The following CLHC1 variants were observed in gnomAD, a reference collection of about 807,000 sequenced individuals.
CLHC1 encodes clathrin heavy chain linker domain-containing protein 1.
In CLHC1, 72 loss-of-function variants were observed where a neutral mutation model predicts 69.5. The observed-to-expected ratio is 1.04, with a 90% CI of 0.86 to 1.26. The LOEUF (loss-of-function observed/expected upper bound fraction) is 1.26. CLHC1 is among the 50% of genes most tolerant of loss of function. The probability of loss-of-function intolerance (pLI) is 0.00; values close to 1 mark genes in which losing one functional copy is unlikely to be tolerated. For missense variants in CLHC1, 790 were observed against 679.3 expected (o/e 1.16, Z -1.81); for synonymous variants, 223 against 224.3 (o/e 0.99, Z 0.05).
chr2:55,213,238 C>CA (rs1378254642), intron 4 of CLHC1, among the ~76,000 whole-genome samples: 11 of 152,178 alleles, frequency 7.2e-5, no homozygotes, highest in Admixed American at 3.9e-4. Flanking sequence ...GGACCAAAAT[C>CA]AAAGTGTTGG....
Position 55,206,389 on chromosome 2 carries a change from C to T in CLHC1, c.900-13G>A, listed in dbSNP as rs1455242576. 1.4e-6 allele frequency: 2 copies of T among 1,437,500 alleles called. No homozygotes were observed. The highest frequency in any genetic ancestry group is 1.7e-5 in the Admixed American group (1 of 59,374). 89.0% of individuals were successfully genotyped at this position (1,437,500 alleles called of 1,614,324 possible). ...TAACTCATTAAACCTATAGCCATCA[C>T]ATTTTAAAATGCATTATAATGACAC... is the stretch of plus-strand genomic sequence containing the variant. On this transcript the variant is annotated splice_polypyrimidine_tract_variant and intron_variant, in intron 8 of 12. Transcript: ENST00000401408.
intron 10 of CLHC1, among the ~76,000 whole-genome samples, chr2:55,181,234 G>A (rs1244763845): frequency 6.6e-6 from 1 of 152,002 alleles, no homozygotes; most frequent in East Asian, 1.9e-4. Context: ...GCCCACCTCG[G>A]ACTCCCAAAA....
intron 9 of CLHC1, among the ~76,000 whole-genome samples, chr2:55,183,365 C>G (rs1670102830): frequency 6.6e-6 from 1 of 152,192 alleles, no homozygotes; most frequent in Non-Finnish European, 1.5e-5. Context: ...GCCAACACAG[C>G]CCTTTTAAAG....
chr2:55,184,103 TTTA>T (rs1195161511), intron 9 of CLHC1, among the ~76,000 whole-genome samples: 446 of 9,446 alleles, frequency 0.047, 1 homozygote, highest in Non-Finnish European at 0.07. Context: ...TCTTTCTTTC[TTTA>T]TTTTTTTTTT....
chr2:55,177,624 T>C lies in CLHC1; in HGVS notation c.1542A>G (p.Gln514=). 6.2e-7 allele frequency: 1 copy of C among 1,605,718 alleles called. No individual in the cohort carries two copies. The highest frequency in any genetic ancestry group is 1.3e-5 in the African/African-American group (1 of 74,760). The change falls in exon 12 of 13, where the codon CAA becomes CAG. Residue 514 remains glutamine, a synonymous_variant. Transcript: ENST00000401408. Reference sequence around the variant, plus strand: ...TACCTATCCCACCTTTATTGATTTCTTGAAGTAGCTTAATGCCAACTTTTT... The same window carrying C: ...TACCTATCCCACCTTTATTGATTTCCTGAAGTAGCTTAATGCCAACTTTTT... ...DMKKVGIKLL[Q]EINKGGIDAV... is the part of the protein sequence containing the mutation.
At chr2:55,207,625 C>A (rs991527629) in intron 8 of CLHC1, among the ~76,000 whole-genome samples, 1 of 151,996 alleles carries the variant, frequency 6.6e-6, no homozygotes, top group Non-Finnish European at 1.5e-5. Flanking sequence ...AGCGTCATAG[C>A]CTATGAATTA....
At chr2:55,213,849 T>C (rs535072386) in intron 4 of CLHC1, among the ~76,000 whole-genome samples, 1 of 152,310 alleles carries the variant, frequency 6.6e-6, no homozygotes, top group Non-Finnish European at 1.5e-5. Flanking sequence ...AATCTGAATA[T>C]GACATGGGCA....
intron 1 of CLHC1, among the ~76,000 whole-genome samples, chr2:55,229,382 G>A (rs976839054): frequency 6.6e-6 from 1 of 152,008 alleles, no homozygotes; most frequent in Admixed American, 6.6e-5. Context: ...TAGATTCCTG[G>A]GAGATGAGTG....
At position 55,216,694 on chromosome 2, in the gene CLHC1, A is replaced by T. The variant is rs867944362; in HGVS notation, c.365+1117T>A. ...GACCACACCCAGCTAATTTTTTTTT[A>T]AACTTTTTTGTAACGACAGGGACTC... is the stretch of plus-strand genomic sequence containing the variant. On this transcript the variant is annotated intron_variant, in intron 4 of 12. Transcript: ENST00000401408. Among the ~76,000 whole-genome samples, 49 of 144,192 alleles carry T rather than the reference A, an allele frequency of 3.4e-4. No individual in the cohort carries two copies. The Middle Eastern group carries it at 0.018, about 53-fold the overall frequency. The allele number at this position is 144,192 out of a possible 152,430, so 94.6% of individuals were successfully genotyped here. A position where few individuals can be genotyped will look rare whatever the true frequency, so the allele number is the denominator to read the frequency against.
intron 9 of CLHC1, among the ~76,000 whole-genome samples, chr2:55,196,320 C>T (rs1014117059): frequency 1.3e-5 from 2 of 152,158 alleles, no homozygotes; most frequent in Admixed American, 6.5e-5. Flanking sequence ...AGTCAGTGGA[C>T]TTGGAAGGCA....
In CLHC1 at chr2:55,181,606, C is replaced by T. The variant is rs144133542; in HGVS notation, c.1145G>A (p.Arg382Gln). The change falls in exon 10 of 13, where the codon CGG becomes CAG. Residue 382 changes from arginine to glutamine, a missense_variant. Arg to Gln is a conservative substitution (Grantham distance 43). Transcript: ENST00000401408. ...AACCCAATTGGTAACTAAATCTAAC[C>T]GTTTTTCTGATAATCCACATTTGAT... Reference protein sequence around the residue: ...EGIKCGLSEKRLDLVTNWVTQ... With the variant: ...EGIKCGLSEKQLDLVTNWVTQ... 2.8e-4 allele frequency: 457 copies of T among 1,612,236 alleles called. No individual in the cohort carries two copies. The African/African-American group carries it at 4.6e-3, about 16-fold the overall frequency.
chr2:55,222,958 C>G (rs1279674078), intron 2 of CLHC1, among the ~76,000 whole-genome samples: 2 of 149,264 alleles, frequency 1.3e-5, no homozygotes, highest in Non-Finnish European at 3.0e-5. Context: ...TGCTATTCCA[C>G]TGCCATATGC....
At chr2:55,184,673 A>G (rs757008859) in intron 9 of CLHC1, among the ~76,000 whole-genome samples, 2 of 152,038 alleles carry the variant, frequency 1.3e-5, no homozygotes, top group Non-Finnish European at 2.9e-5. Flanking sequence ...TTGGGAGGCT[A>G]ATGCAGGTGG....
At chr2:55,195,941 G>T (rs1373664957) in intron 9 of CLHC1, among the ~76,000 whole-genome samples, 1 of 152,214 alleles carries the variant, frequency 6.6e-6, no homozygotes, top group African/African-American at 2.4e-5. Context: ...CACTGAAGAG[G>T]GTAGAAAGAC....
At position 55,172,691 on chromosome 2, in the gene CLHC1, T is replaced by C. The variant is rs1398078686; in HGVS notation, c.*3099A>G. ...AGAAATGTATGAGCTTTCTATGAAA[T>C]GTACAAAGTTAAAAAAAAAAAAAAA... On this transcript the variant is annotated 3_prime_UTR_variant, in exon 13 of 13. Transcript: ENST00000401408. Among the ~76,000 whole-genome samples, 12 of 96,434 alleles carry C rather than the reference T, an allele frequency of 1.2e-4. No homozygotes were observed. The highest frequency in any genetic ancestry group is 5.8e-4 in the Admixed American group (5 of 8,614). 63.3% of individuals were successfully genotyped at this position (96,434 alleles called of 152,430 possible).
chr2:55,193,227 T>C (rs562099380), intron 9 of CLHC1, among the ~76,000 whole-genome samples: 17 of 152,040 alleles, frequency 1.1e-4, no homozygotes, highest in Non-Finnish European at 2.2e-4. Context: ...AAAGATTTCA[T>C]AGCTACAACA....
chr2:55,185,561 T>C (rs1029863707), intron 9 of CLHC1, among the ~76,000 whole-genome samples: 1 of 152,228 alleles, frequency 6.6e-6, no homozygotes, highest in Non-Finnish European at 1.5e-5. Flanking sequence ...CAAATCATTT[T>C]TGCAGGTTTC....
intron 1 of CLHC1, 192 bp downstream of exon 1, chr2:55,232,031 C>T (rs1325644309): frequency 6.6e-5 from 10 of 152,304 alleles, no homozygotes; most frequent in Admixed American, 4.6e-4. Flanking sequence ...TGGAGCAGGC[C>T]ACGCAAATTC....
At chr2:55,216,891 T>C (rs1189479833) in intron 4 of CLHC1, among the ~76,000 whole-genome samples, 13 of 152,144 alleles carry the variant, frequency 8.5e-5, no homozygotes, top group Admixed American at 8.5e-4. Flanking sequence ...CTCATGCCTG[T>C]AATCCCAGCG....
Sources: allele counts gnomAD v4.1 joint callset (sites outside exome capture counted in the v4.1 genomes callset), GRCh38; gene constraint gnomAD v4.1.1; transcripts MANE v1.5; gene names NCBI Gene and HGNC (gene_info 2026-07-23, HGNC 2026-07-21).